The following FAT4 variants were observed in gnomAD, a reference collection of about 807,000 sequenced individuals.
FAT4 encodes the protein FAT atypical cadherin 4, also known as protocadherin Fat 4.
A neutral mutation model predicts 303.9 loss-of-function variants in FAT4; 84 were observed. The observed-to-expected ratio is 0.28, with a 90% CI of 0.23 to 0.33. FAT4 has a LOEUF of 0.33. FAT4 is among the 10% of genes least tolerant of loss of function. FAT4 has a pLI of 1.00. For missense variants in FAT4, 6,005 were observed against 6,146.8 expected, an observed-to-expected ratio of 0.98 and a Z score of 0.77; for synonymous variants, 2,307 against 2,298.8, an observed-to-expected ratio of 1.00 and a Z score of -0.10.
At chr4:125,376,071 C>A (rs989948166) in intron 2 of FAT4, among the ~76,000 whole-genome samples, 4 of 152,170 alleles carry the variant, frequency 2.6e-5, no homozygotes, top group African/African-American at 4.8e-5. Flanking sequence ...TTTCAGAGAA[C>A]ATTAGCCATA....
chr4:125,472,205 A>G (rs953299304), intron 12 of FAT4, among the ~76,000 whole-genome samples: 10 of 152,070 alleles, frequency 6.6e-5, no homozygotes, highest in African/African-American at 2.4e-4. Flanking sequence ...CCCTTAAATC[A>G]TTTTAAATGA....
chr4:125,489,979 C>A lies in FAT4; in HGVS notation c.13163C>A (p.Ser4388Tyr), dbSNP rs772708041. 1 of 1,609,962 alleles carries A rather than the reference C, an allele frequency of 6.2e-7. No individual in the cohort carries two copies. Among genetic ancestry groups the A allele is most frequent in the South Asian group, 1.1e-5 (1 of 90,938 alleles). The change falls in exon 18 of 18, where the codon TCC (serine) becomes TAC (tyrosine). Residue 4388 changes from serine (S) to tyrosine (Y), a missense_variant. Physicochemically the swap from Ser to Tyr is moderately radical, Grantham distance 144. Coordinates refer to ENST00000394329, the MANE Select transcript of FAT4 (RefSeq NM_001291303.3). Reference protein sequence around the residue: ...LPFSGKHSLASISKTDPSVKI... With the variant: ...LPFSGKHSLAYISKTDPSVKI... ...TTCAGCGGGAAGCATAGCTTGGCCT[C>A]CATCTCAAAAACAGATCCCTCAGTG...
rs1734940201 is a variant in FAT4 at position 125,413,924 on chromosome 4, C to T, written c.5921-960C>T. Among the ~76,000 whole-genome samples the T allele has an allele frequency of 1.3e-5, 2 of 151,854 alleles. 1 individual carries two copies. Among genetic ancestry groups the T allele is most frequent in the South Asian group, 4.1e-4 (2 of 4,826 alleles). ...TTAGTCAGTAGATATTTGCTAGTCC[C>T]AGAATATACATCTTTATTAAAGATA... On this transcript the variant is annotated intron_variant, in intron 5 of 17. Coordinates refer to ENST00000394329, the MANE Select transcript of FAT4 (RefSeq NM_001291303.3).
chr4:125,376,042 C>T (rs1457418962), intron 2 of FAT4, among the ~76,000 whole-genome samples: 1 of 152,208 alleles, frequency 6.6e-6, no homozygotes, highest in East Asian at 1.9e-4. Context: ...AGATCCCACA[C>T]TTGTAATGGA....
chr4:125,456,557 T>G (rs532985829), intron 10 of FAT4, among the ~76,000 whole-genome samples: 3 of 152,332 alleles, frequency 2.0e-5, no homozygotes, highest in African/African-American at 7.2e-5. Flanking sequence ...CTTTTTGTAT[T>G]TTGTAGGAAA....
At chr4:125,421,807 C>A (rs1724904929) in intron 7 of FAT4, among the ~76,000 whole-genome samples, 2 of 151,978 alleles carry the variant, frequency 1.3e-5, no homozygotes, top group South Asian at 4.1e-4. Flanking sequence ...AAGCAGTGTG[C>A]TAGAACTTGC....
intron 2 of FAT4, among the ~76,000 whole-genome samples, chr4:125,324,318 G>T (rs559083039): frequency 5.5e-5 from 8 of 144,924 alleles, no homozygotes; most frequent in Admixed American, 2.9e-4. Flanking sequence ...ACTTAGGAAC[G>T]TGGTTAGACC....
At chr4:125,358,892 C>T (rs1732539670) in intron 2 of FAT4, among the ~76,000 whole-genome samples, 1 of 152,130 alleles carries the variant, frequency 6.6e-6, no homozygotes, top group Non-Finnish European at 1.5e-5. Flanking sequence ...AGTAAAATCA[C>T]TTACATTGTA....
In FAT4 at chr4:125,318,785, G is replaced by T; in HGVS notation, c.2374G>T (p.Val792Leu). The T allele has an allele frequency of 6.2e-7, 1 of 1,614,200 alleles. No homozygotes were observed. Among genetic ancestry groups the T allele is most frequent in the Admixed American group, 1.7e-5 (1 of 60,024 alleles). Reference protein sequence around the residue: ...TVLDTQDNPPVFSQVAYSFVV... With the variant: ...TVLDTQDNPPLFSQVAYSFVV... ...ATTGGACACTCAAGACAACCCACCT[G>T]TATTCAGTCAGGTTGCCTACAGCTT... Residue 792 changes from valine (V) to leucine (L), a missense_variant, in exon 2 of 18, where the codon GTA becomes TTA. Coordinates refer to ENST00000394329, the MANE Select transcript of FAT4 (RefSeq NM_001291303.3).
chr4:125,315,099 T>G lies in FAT4; in HGVS notation c.-891T>G, dbSNP rs1347852659. ...GTGTATGTGTGTGTGTGTGCATGCC[T>G]GTGCGGCGGGGAAGGGGCGGGGAGA... On this transcript the variant is annotated 5_prime_UTR_variant, in exon 1 of 18. Transcript: ENST00000394329. Among the ~76,000 whole-genome samples, 1 of 151,896 alleles carries G rather than the reference T, an allele frequency of 6.6e-6. No individual in the cohort carries two copies. The highest frequency in any genetic ancestry group is 2.4e-5 in the African/African-American group (1 of 41,344).
rs1479069966 is a variant in FAT4, at chr4:125,487,556, T to C, written c.13034T>C (p.Ile4345Thr). Residue 4345 changes from isoleucine (I) to threonine (T), a missense_variant, in exon 17 of 18, where the codon ATA (isoleucine) becomes ACA (threonine). Ile to Thr is a moderately conservative substitution (Grantham distance 89). Transcript: ENST00000394329. Reference protein sequence around the residue: ...QDFGGLDVLTISLGGIPPNQA... With the variant: ...QDFGGLDVLTTSLGGIPPNQA... ...TTCGGTGGCCTTGATGTGCTTACTA[T>C]ATCACTTGGAGGAATTCCACCCAAT... 1 of 1,613,524 alleles carries C rather than the reference T, an allele frequency of 6.2e-7. No individual in the cohort carries two copies. Among genetic ancestry groups the C allele is most frequent in the South Asian group, 1.1e-5 (1 of 90,898 alleles).
At chr4:125,321,630 A>G in intron 2 of FAT4, 44 bp downstream of exon 2, 1 of 1,516,398 alleles carries the variant, frequency 6.6e-7, no homozygotes, top group East Asian at 2.3e-5. Flanking sequence ...TTTGCTTTTT[A>G]GAAAAATCAT....
intron 8 of FAT4, among the ~76,000 whole-genome samples, chr4:125,445,224 A>G (rs534810791): frequency 6.6e-6 from 1 of 152,266 alleles, no homozygotes; most frequent in South Asian, 2.1e-4. Context: ...AGTTTTAAAT[A>G]TAAGGTCCTC....
rs761503135 is a variant in FAT4, at chr4:125,318,105, A to G, written c.1694A>G (p.Tyr565Cys). The change falls in exon 2 of 18, where the codon TAT becomes TGT. Residue 565 changes from tyrosine to cysteine, a missense_variant. Transcript: ENST00000394329. ...CAGGGAGTTCACCCCAAGGTGTCCTATGCCCAGCTTGTAGTAACTCTCCTA... is the reference window on the plus strand; with the variant it reads ...CAGGGAGTTCACCCCAAGGTGTCCTGTGCCCAGCTTGTAGTAACTCTCCTA... ...RDQGVHPKVSYAQLVVTLLDV... is the reference protein window; with the variant it reads ...RDQGVHPKVSCAQLVVTLLDV... 10 of 1,614,014 alleles carry G rather than the reference A, an allele frequency of 6.2e-6. No homozygotes were observed. Among genetic ancestry groups the G allele is most frequent in the South Asian group, 1.1e-5 (1 of 91,088 alleles).
At chr4:125,455,970 G>A (rs549495974) in intron 10 of FAT4, among the ~76,000 whole-genome samples, 5 of 152,294 alleles carry the variant, frequency 3.3e-5, no homozygotes, top group Non-Finnish European at 5.9e-5. Flanking sequence ...GACATGGCAG[G>A]CATTGCAAGA....
Position 125,491,875 on chromosome 4 carries a change from C to A in FAT4, c.*107C>A. 8.7e-7 allele frequency: 1 copy of A among 1,145,498 alleles called. No individual in the cohort carries two copies. The highest frequency in any genetic ancestry group is 1.2e-6 in the Non-Finnish European group (1 of 822,426). The allele number at this position is 1,145,498 out of a possible 1,614,324, so 71.0% of individuals were successfully genotyped here. On this transcript the variant is annotated 3_prime_UTR_variant, in exon 18 of 18. Coordinates refer to ENST00000394329, the MANE Select transcript of FAT4 (RefSeq NM_001291303.3). ...CATTTGAAAAACAGGCCAGTATGGACTAGTGGTGGAGGGAAAACTTTAAAA... is the reference window on the plus strand; with the variant it reads ...CATTTGAAAAACAGGCCAGTATGGAATAGTGGTGGAGGGAAAACTTTAAAA...
At chr4:125,322,412 C>G (rs1730988253) in intron 2 of FAT4, among the ~76,000 whole-genome samples, 1 of 152,162 alleles carries the variant, frequency 6.6e-6, no homozygotes, top group Non-Finnish European at 1.5e-5. Flanking sequence ...GCTACTGCCT[C>G]CTTGTATCGT....
chr4:125,367,273 G>A lies in FAT4; in HGVS notation c.5176-31511G>A, dbSNP rs186882501. On this transcript the variant is annotated intron_variant, in intron 2 of 17. Transcript: ENST00000394329. Reference sequence around the variant, plus strand: ...GCAATTATTGGTAGAGCTGGAAATAGCATTTGCCAGACATTTTTCTACACA... The same window carrying A: ...GCAATTATTGGTAGAGCTGGAAATAACATTTGCCAGACATTTTTCTACACA... Among the ~76,000 whole-genome samples, 9 of 152,204 alleles carry A rather than the reference G, an allele frequency of 5.9e-5. No homozygotes were observed. In the East Asian group the frequency reaches 1.7e-3, roughly 29 times the overall value.
chr4:125,330,481 A>G (rs1320546541), intron 2 of FAT4, among the ~76,000 whole-genome samples: 2 of 152,198 alleles, frequency 1.3e-5, no homozygotes, highest in Admixed American at 1.3e-4. Context: ...TCATTCCTTT[A>G]TATAAAATAT....
Sources: allele counts gnomAD v4.1 joint callset (sites outside exome capture counted in the v4.1 genomes callset), GRCh38; gene constraint gnomAD v4.1.1; transcripts MANE v1.5; gene names NCBI Gene and HGNC (gene_info 2026-07-23, HGNC 2026-07-21).